PALM2AKAP2: variants seen among roughly 807,000 people sequenced by gnomAD.
The protein encoded by PALM2AKAP2 is PALM2 and AKAP2 fusion.
PALM2AKAP2 carries 37 observed loss-of-function variants against 71.5 expected under a neutral mutation model. That is an observed-to-expected ratio of 0.52 (90% CI 0.40 to 0.68). PALM2AKAP2 has a LOEUF of 0.68. PALM2AKAP2 is among the 30% of genes least tolerant of loss of function. The pLI is 0.00. For missense variants in PALM2AKAP2, 1,224 were observed against 1,191.8 expected (o/e 1.03, Z -0.40); for synonymous variants, 468 against 478.8 (o/e 0.98, Z 0.29).
At chr9:109,807,779 G>T (rs1827621235) in intron 1 of PALM2AKAP2, among the ~76,000 whole-genome samples, 1 of 152,122 alleles carries the variant, frequency 6.6e-6, no homozygotes, top group Admixed American at 6.5e-5. Context: ...ATCTTGAATT[G>T]TAGTTCCCAT....
chr9:109,862,800 G>T (rs1194011116), intron 1 of PALM2AKAP2: 1 of 460,190 alleles, frequency 2.2e-6, no homozygotes, highest in Non-Finnish European at 4.4e-6. Context: ...TGCCATCATA[G>T]ATGAATTGTT....
intron 3 of PALM2AKAP2, among the ~76,000 whole-genome samples, chr9:109,889,851 T>C (rs1350240657): frequency 1.3e-5 from 2 of 152,192 alleles, no homozygotes; most frequent in East Asian, 3.8e-4. Context: ...ACTGAGGCCA[T>C]GTAAGAGCCA....
intron 2 of PALM2AKAP2, among the ~76,000 whole-genome samples, chr9:110,142,514 AAAC>A (rs1165201935): frequency 6.6e-6 from 1 of 152,236 alleles, no homozygotes; most frequent in Non-Finnish European, 1.5e-5. Context: ...TCAGTAAGAG[AAAC>A]AACATTAAAC....
chr9:110,043,460 A>G (rs1215528779), intron 7 of PALM2AKAP2, among the ~76,000 whole-genome samples: 1 of 152,160 alleles, frequency 6.6e-6, no homozygotes, highest in Non-Finnish European at 1.5e-5. Context: ...CTCTAGAGTT[A>G]TCACCAAATT....
chr9:109,834,222 A>C (rs1411414928), intron 1 of PALM2AKAP2, among the ~76,000 whole-genome samples: 1 of 152,216 alleles, frequency 6.6e-6, no homozygotes, highest in African/African-American at 2.4e-5. Flanking sequence ...CAAACAAAAC[A>C]AAACAAAACA....
At position 109,734,946 on chromosome 9, in the gene PALM2AKAP2, T is replaced by C. The variant is rs537532978; in HGVS notation, c.6-45542T>C. ...GATCCAAGCCTCTCCACTGCCATCT[T>C]GTCAAACATATTTACATTGCTCAAC... On this transcript the variant is annotated intron_variant, in intron 1 of 6. Transcript: ENST00000374531. Among the ~76,000 whole-genome samples the C allele has an allele frequency of 1.8e-4, 27 of 152,126 alleles. No homozygotes were observed. In the South Asian group the frequency reaches 2.7e-3, roughly 15 times the overall value.
intron 6 of PALM2AKAP2, among the ~76,000 whole-genome samples, chr9:109,960,476 A>T (rs1032125245): frequency 6.6e-6 from 1 of 152,216 alleles, no homozygotes; most frequent in South Asian, 2.1e-4. Flanking sequence ...GAAAAATGAC[A>T]ATCAAGATAT....
At chr9:109,743,885 T>A (rs1828758441) in intron 1 of PALM2AKAP2, among the ~76,000 whole-genome samples, 2 of 152,212 alleles carry the variant, frequency 1.3e-5, no homozygotes, top group Admixed American at 1.3e-4. Context: ...GAATAAAGAA[T>A]GAATTCCAGC....
intron 7 of PALM2AKAP2, among the ~76,000 whole-genome samples, chr9:110,037,396 G>C (rs1833431629): frequency 6.6e-6 from 1 of 152,068 alleles, no homozygotes; most frequent in African/African-American, 2.4e-5. Flanking sequence ...AGTAGGGACG[G>C]GGTTACTCCA....
chr9:110,015,754 A>T (rs1395214561), intron 6 of PALM2AKAP2, among the ~76,000 whole-genome samples, 200 bp from the exon 7 acceptor site: 2 of 152,188 alleles, frequency 1.3e-5, no homozygotes, highest in African/African-American at 4.8e-5. Flanking sequence ...GAGATTAGGT[A>T]AAAACAAAAG....
intron 1 of PALM2AKAP2, among the ~76,000 whole-genome samples, chr9:110,108,074 G>C (rs1588113259): frequency 7.8e-6 from 1 of 128,464 alleles, no homozygotes; most frequent in Admixed American, 7.4e-5. Flanking sequence ...CTATTTTGCT[G>C]TTATTTTTTT....
At chr9:110,048,722 C>A in exon 1 of PALM2AKAP2, 2 of 1,547,950 alleles carry the variant, frequency 1.3e-6, no homozygotes, top group Non-Finnish European at 1.7e-6. Flanking sequence ...CAGCCCGGGG[C>A]TGCCGCTCGC....
chr9:109,795,026 A>G (rs1827213952), intron 1 of PALM2AKAP2, among the ~76,000 whole-genome samples: 1 of 152,176 alleles, frequency 6.6e-6, no homozygotes, highest in Non-Finnish European at 1.5e-5. Flanking sequence ...AGCTGCTTGG[A>G]GAATGGGAAG....
At chr9:109,965,830 T>C (rs915142583) in intron 6 of PALM2AKAP2, among the ~76,000 whole-genome samples, 4 of 152,138 alleles carry the variant, frequency 2.6e-5, no homozygotes, top group Non-Finnish European at 5.9e-5. Flanking sequence ...ATTAAGATGT[T>C]TCTAAGTGTT....
At chr9:109,821,439 T>C (rs1319891150) in intron 1 of PALM2AKAP2, among the ~76,000 whole-genome samples, 1 of 152,220 alleles carries the variant, frequency 6.6e-6, no homozygotes, top group African/African-American at 2.4e-5. Flanking sequence ...CCCTCCACTA[T>C]AGAGCCTTTG....
chr9:109,993,670 C>T (rs1453613115), intron 6 of PALM2AKAP2, among the ~76,000 whole-genome samples: 2 of 152,130 alleles, frequency 1.3e-5, no homozygotes, highest in African/African-American at 2.4e-5. Flanking sequence ...TCTGATTCCT[C>T]CCCTCACACC....
intron 6 of PALM2AKAP2, among the ~76,000 whole-genome samples, chr9:109,938,952 C>T (rs538978164): frequency 6.6e-6 from 1 of 152,192 alleles, no homozygotes; most frequent in African/African-American, 2.4e-5. Flanking sequence ...TCGCTTGAAC[C>T]CGGGAGGCAG....
rs1832518979 is a variant in PALM2AKAP2 at position 109,993,356 on chromosome 9, G to A, written c.497-22598G>A. On this transcript the variant is annotated intron_variant, in intron 6 of 9. Coordinates refer to the PALM2AKAP2 transcript ENST00000302798. The stretch of plus-strand genomic sequence containing the variant: ...GGTTCCCAGGTGTTATTTAGCAATT[G>A]AGCAATTTAGCAAACTCATTGAGAA... Among the ~76,000 whole-genome samples, 3 of 152,084 alleles carry A rather than the reference G, an allele frequency of 2.0e-5. No homozygotes were observed. In the South Asian group the frequency reaches 6.2e-4, roughly 32 times the overall value.
At chr9:110,168,592 G>C (rs1362672046) in exon 4 of PALM2AKAP2, 20 of 1,418,454 alleles carry the variant, frequency 1.4e-5, no homozygotes, top group Admixed American at 2.4e-5. Context: ...ATTTATTAAA[G>C]TGCAAACAAA....
Sources: gnomAD v4.1 joint callset for allele counts (sites outside exome capture counted in the v4.1 genomes callset) on GRCh38, gnomAD v4.1.1 for gene constraint, MANE v1.5 for transcripts, NCBI Gene and HGNC (gene_info 2026-07-23, HGNC 2026-07-21) for gene names.